Variants in PCDHGA10 observed in about 807,000 individuals in gnomAD.
PCDHGA10 encodes the protein protocadherin gamma-A10.
A neutral mutation model predicts 59.5 loss-of-function variants in PCDHGA10; 42 were observed. The observed-to-expected ratio is 0.71, with a 90% CI of 0.55 to 0.91. PCDHGA10 has a LOEUF of 0.91. Ranked by LOEUF, PCDHGA10 falls within the 40% of genes least tolerant of loss-of-function variation. The probability of loss-of-function intolerance (pLI) is 0.00; values close to 1 mark genes in which losing one functional copy is unlikely to be tolerated. For missense variants in PCDHGA10, 1,111 were observed against 1,198.2 expected, an observed-to-expected ratio of 0.93 and a Z score of 1.07; for synonymous variants, 511 against 517.2, an observed-to-expected ratio of 0.99 and a Z score of 0.16.
intron 3 of PCDHGA10, among the ~76,000 whole-genome samples, chr5:141,509,066 C>A (rs1215686419): frequency 6.6e-6 from 1 of 152,172 alleles, no homozygotes; most frequent in Non-Finnish European, 1.5e-5. Context: ...GCTCTCAGCT[C>A]CGGGGATTTG....
At chr5:141,505,238 G>A (rs1254100882) in intron 2 of PCDHGA10, 155 bp from the exon 3 acceptor site, 2 of 890,422 alleles carry the variant, frequency 2.2e-6, no homozygotes, top group South Asian at 5.2e-5. Context: ...GGCTTCTGAA[G>A]GATTGTAGAA....
intron 1 of PCDHGA10, among the ~76,000 whole-genome samples, chr5:141,439,459 A>C (rs558086952): frequency 6.6e-6 from 1 of 152,222 alleles, no homozygotes. Flanking sequence ...GCAAGACTGC[A>C]CTGCTGCCTT....
At chr5:141,507,807 A>AACGG (rs1465406594) in intron 3 of PCDHGA10, among the ~76,000 whole-genome samples, 2 of 152,152 alleles carry the variant, frequency 1.3e-5, no homozygotes, top group East Asian at 3.9e-4. Flanking sequence ...CGCCCTGGGG[A>AACGG]ACGGACCCTG....
At chr5:141,472,109 A>G (rs1353132107) in intron 1 of PCDHGA10, among the ~76,000 whole-genome samples, 2 of 152,234 alleles carry the variant, frequency 1.3e-5, no homozygotes, top group Non-Finnish European at 2.9e-5. Flanking sequence ...TTTTATACAT[A>G]AAGAAAATAA....
At position 141,431,211 on chromosome 5, in the gene PCDHGA10, G is replaced by C. The variant is rs1054638121; in HGVS notation, c.2436+15600G>C. Reference sequence around the variant, plus strand: ...AGTGAAAATGCAGCCACTGAGATGCGGTTCCCTCTACCCCACGCCTGGGAT... The same window carrying C: ...AGTGAAAATGCAGCCACTGAGATGCCGTTCCCTCTACCCCACGCCTGGGAT... On this transcript the variant is annotated intron_variant, in intron 1 of 3. Coordinates refer to ENST00000398610, the MANE Select transcript of PCDHGA10 (RefSeq NM_018913.3). This position sits in a 1 kb window ranked among gnomAD's most constrained non-coding sequence, Gnocchi z 4.8. 1.2e-6 allele frequency: 2 copies of C among 1,614,122 alleles called. No individual in the cohort carries two copies. Among genetic ancestry groups the C allele is most frequent in the Non-Finnish European group, 1.7e-6 (2 of 1,180,036 alleles).
In PCDHGA10 at chr5:141,476,065, G is replaced by T; in HGVS notation, c.2437-18742G>T. ...GCTAACCCGCTGAAAGTTTCTCAGC[G>T]AAATCTCAGGGACGATCTGGACCCC... is the stretch of plus-strand genomic sequence containing the variant. On this transcript the variant is annotated intron_variant, in intron 1 of 3. Coordinates refer to ENST00000398610, the MANE Select transcript of PCDHGA10 (RefSeq NM_018913.3). This position sits in a 1 kb window ranked among gnomAD's most constrained non-coding sequence, Gnocchi z 7.6. 6.6e-7 allele frequency: 1 copy of T among 1,511,444 alleles called. No homozygotes were observed. The highest frequency in any genetic ancestry group is 1.3e-5 in the South Asian group (1 of 76,164). The allele number at this position is 1,511,444 out of a possible 1,614,324, so 93.6% of individuals were successfully genotyped here.
rs2099613082 is a variant in PCDHGA10, at chr5:141,485,421, C to T, written c.2437-9386C>T. ...TTCCGTGTGGATTTGGACAGCGGAG[C>T]CCTGCTCATCAAGAACCCAATCGAC... On this transcript the variant is annotated intron_variant, in intron 1 of 3. Coordinates refer to ENST00000398610, the MANE Select transcript of PCDHGA10 (RefSeq NM_018913.3). The surrounding 1 kb of genome is among the most constrained non-coding windows in gnomAD (Gnocchi z 5.7). The T allele has an allele frequency of 6.2e-7, 1 of 1,614,112 alleles. No individual in the cohort carries two copies. Among genetic ancestry groups the T allele is most frequent in the Non-Finnish European group, 8.5e-7 (1 of 1,180,010 alleles).
rs2154545628 is a variant in PCDHGA10 at position 141,415,308 on chromosome 5, C to G, written c.2133C>G (p.Phe711Leu). ...CGGTCTCCTGCGTCTTCCTGGCCTT[C>G]GTCATCGTGCTGCTGGCGCACAGGC... ...VAAVSCVFLA[F>L]VIVLLAHRLR... is the part of the protein sequence containing the mutation. Residue 711 changes from phenylalanine to leucine, a missense_variant, in exon 1 of 4, where the codon TTC (phenylalanine) becomes TTG (leucine). By Grantham distance (22) the Phe-to-Leu change is conservative. Coordinates refer to ENST00000398610, the MANE Select transcript of PCDHGA10 (RefSeq NM_018913.3). 1 of 1,614,236 alleles carries G rather than the reference C, an allele frequency of 6.2e-7. No individual in the cohort carries two copies. Among genetic ancestry groups the G allele is most frequent in the Non-Finnish European group, 8.5e-7 (1 of 1,180,042 alleles).
chr5:141,475,248 C>T (rs1400887912), intron 1 of PCDHGA10, among the ~76,000 whole-genome samples: 2 of 152,166 alleles, frequency 1.3e-5, no homozygotes, highest in African/African-American at 4.8e-5. Context: ...AGAGTGTGCT[C>T]TACAACTGAG....
chr5:141,438,545 A>C (rs915206342), intron 1 of PCDHGA10, among the ~76,000 whole-genome samples: 4 of 140,354 alleles, frequency 2.8e-5, no homozygotes, highest in Admixed American at 7.4e-5. Flanking sequence ...TCTATATCTA[A>C]GCCCTAATAA....
In PCDHGA10 at chr5:141,485,049, G is replaced by C. The variant is rs1271101804; in HGVS notation, c.2437-9758G>C. On this transcript the variant is annotated intron_variant, in intron 1 of 3. Coordinates refer to ENST00000398610, the MANE Select transcript of PCDHGA10 (RefSeq NM_018913.3). The surrounding 1 kb of genome is among the most constrained non-coding windows in gnomAD (Gnocchi z 5.7). ...AACGGCGCGTAACCCTTGCGGCGCC[G>C]GCCGAACCGCGCCAGAGCTGGCGCG... 1 of 780,438 alleles carries C rather than the reference G, an allele frequency of 1.3e-6. No homozygotes were observed. The highest frequency in any genetic ancestry group is 2.1e-6 in the Non-Finnish European group (1 of 469,234). The allele number at this position is 780,438 out of a possible 1,614,324, so 48.3% of individuals were successfully genotyped here. A position where few individuals can be genotyped will look rare whatever the true frequency, so the allele number is the denominator to read the frequency against.
Position 141,476,209 on chromosome 5 carries a change from G to T in PCDHGA10, c.2437-18598G>T, listed in dbSNP as rs749576231. On this transcript the variant is annotated intron_variant, in intron 1 of 3. Coordinates refer to ENST00000398610, the MANE Select transcript of PCDHGA10 (RefSeq NM_018913.3). The surrounding 1 kb of genome is among the most constrained non-coding windows in gnomAD (Gnocchi z 7.6). ...TTGGTGCCTTGAACAAGGCTTCCAC[G>T]GTCATTCACTATGAGATCCCGGAGG... The T allele has an allele frequency of 6.2e-6, 10 of 1,613,974 alleles. No individual in the cohort carries two copies. Among genetic ancestry groups the T allele is most frequent in the Non-Finnish European group, 8.5e-6 (10 of 1,180,026 alleles).
chr5:141,417,709 C>T lies in PCDHGA10; in HGVS notation c.2436+2098C>T, dbSNP rs533902963. 1.5e-5 allele frequency: 18 copies of T among 1,238,872 alleles called. No individual in the cohort carries two copies. The East Asian group carries it at 1.8e-4, about 12-fold the overall frequency. 76.7% of individuals were successfully genotyped at this position (1,238,872 alleles called of 1,614,324 possible). ...AAGAAAACCAGCTCCCACACAGAGG[C>T]TCCCGGCTGCGCAGACCTTGCCCAG... On this transcript the variant is annotated intron_variant, in intron 1 of 3. Coordinates refer to ENST00000398610, the MANE Select transcript of PCDHGA10 (RefSeq NM_018913.3).
chr5:141,493,983 A>G lies in PCDHGA10; in HGVS notation c.2437-824A>G, dbSNP rs2099751203. Among the ~76,000 whole-genome samples the G allele has an allele frequency of 6.6e-6, 1 of 152,194 alleles. No homozygotes were observed. The highest frequency in any genetic ancestry group is 6.5e-5 in the Admixed American group (1 of 15,278). ...TGGCTGGCCAGAGCCCCACACCTTC[A>G]GCTAGGTGGGAGATGGCTACACATC... On this transcript the variant is annotated intron_variant, in intron 1 of 3. Coordinates refer to ENST00000398610, the MANE Select transcript of PCDHGA10 (RefSeq NM_018913.3). The surrounding 1 kb of genome is among the most constrained non-coding windows in gnomAD (Gnocchi z 4.3).
At chr5:141,451,503 A>G (rs1395798374) in intron 1 of PCDHGA10, among the ~76,000 whole-genome samples, 1 of 152,234 alleles carries the variant, frequency 6.6e-6, no homozygotes, top group African/African-American at 2.4e-5. Flanking sequence ...TAGGGCAACC[A>G]GCTTCTGTTA....
chr5:141,436,240 G>A (rs192988618), intron 1 of PCDHGA10, among the ~76,000 whole-genome samples: 2 of 152,200 alleles, frequency 1.3e-5, no homozygotes, highest in East Asian at 3.9e-4. Flanking sequence ...AGCTAACATG[G>A]TCTAATTATT....
At chr5:141,423,806 T>A in intron 1 of PCDHGA10, 1 of 1,251,576 alleles carries the variant, frequency 8.0e-7, no homozygotes, top group African/African-American at 1.6e-5. Flanking sequence ...GCAATACATG[T>A]GAGTTTTACT....
rs781378958 is a variant in PCDHGA10, at chr5:141,414,290, T to G, written c.1115T>G (p.Leu372Arg). The part of the protein sequence containing the change: ...EDSPLGTVVA[L>R]LNVHDLDSEQ... The stretch of plus-strand genomic sequence containing the variant: ...TCACCTCTGGGAACAGTCGTAGCCC[T>G]TTTAAATGTGCATGATTTAGACTCT... The change falls in exon 1 of 4, where the codon CTT becomes CGT. Residue 372 changes from leucine (L) to arginine (R), a missense_variant. Transcript: ENST00000398610. 5 of 1,613,154 alleles carry G rather than the reference T, an allele frequency of 3.1e-6. No homozygotes were observed. The highest frequency in any genetic ancestry group is 4.2e-6 in the Non-Finnish European group (5 of 1,179,620).
At chr5:141,469,312 C>T (rs1387258560) in intron 1 of PCDHGA10, among the ~76,000 whole-genome samples, 2 of 152,064 alleles carry the variant, frequency 1.3e-5, no homozygotes, top group Non-Finnish European at 2.9e-5. Flanking sequence ...CACGATGGCT[C>T]ACGCCTGTAA....
Sources: allele counts gnomAD v4.1 joint callset (sites outside exome capture counted in the v4.1 genomes callset), GRCh38; gene constraint gnomAD v4.1.1; non-coding constraint Gnocchi (gnomAD v3.1); transcripts MANE v1.5; gene names NCBI Gene and HGNC (gene_info 2026-07-23, HGNC 2026-07-21).